The following RGP1 variants were observed in gnomAD, a reference collection of about 807,000 sequenced individuals.
RGP1 encodes RGP1 partner of RAB6A GEF complex, also known as RAB6A-GEF complex partner protein 2.
Under a neutral mutation model 44.5 loss-of-function variants are expected in RGP1, and 28 were observed. The observed-to-expected ratio is 0.63, with a 90% CI of 0.47 to 0.86. The LOEUF (loss-of-function observed/expected upper bound fraction) is 0.86. Ranked by LOEUF, RGP1 falls within the 40% of genes least tolerant of loss-of-function variation. The pLI is 0.00. For synonymous variants in RGP1, 212 were observed against 196.7 expected (o/e 1.08, Z -0.65); for missense variants, 417 against 490.7 (o/e 0.85, Z 1.42).
chr9:35,775,408 G>T, the RGP1 span, among the ~76,000 whole-genome samples: 156 of 152,248 alleles, frequency 1.0e-3, 2 homozygotes, highest in Non-Finnish European at 1.3e-3. Context: ...CCGGAACTTT[G>T]GGGGCCTGTT....
At chr9:35,752,321 C>T (rs1405815673) in intron 8 of RGP1, among the ~76,000 whole-genome samples, 176 bp downstream of exon 8, 2 of 152,188 alleles carry the variant, frequency 1.3e-5, no homozygotes, top group African/African-American at 2.4e-5. Context: ...GATGCACTGA[C>T]CCCTAAACTC....
the RGP1 span, among the ~76,000 whole-genome samples, chr9:35,765,071 C>T: frequency 6.6e-6 from 1 of 151,344 alleles, no homozygotes; most frequent in Admixed American, 6.6e-5. Flanking sequence ...TTGCAATGAG[C>T]CAAGATGGCG....
At position 35,752,647 on chromosome 9, in the gene RGP1, A is replaced by G. The variant is rs760799263; in HGVS notation, c.953-4A>G. Reference sequence around the variant, plus strand: ...GCTTCTACCTTAATCTTTTTCTTCCATAGTGTCCTTGAAGTGGAGATTGCA... The same window carrying G: ...GCTTCTACCTTAATCTTTTTCTTCCGTAGTGTCCTTGAAGTGGAGATTGCA... On this transcript the variant is annotated splice_polypyrimidine_tract_variant and splice_region_variant and intron_variant, in intron 8 of 8. Coordinates refer to ENST00000378078, the MANE Select transcript of RGP1 (RefSeq NM_001080496.3). The G allele has an allele frequency of 1.2e-6, 2 of 1,603,866 alleles. No homozygotes were observed. The highest frequency in any genetic ancestry group is 1.1e-5 in the South Asian group (1 of 89,688).
the RGP1 span, among the ~76,000 whole-genome samples, chr9:35,782,052 T>G: frequency 6.9e-6 from 1 of 145,366 alleles, no homozygotes; most frequent in Non-Finnish European, 1.5e-5. Flanking sequence ...AGTGGTGTGA[T>G]CTCGGCTCAC....
the RGP1 span, among the ~76,000 whole-genome samples, chr9:35,764,431 A>G: frequency 4.3e-4 from 65 of 152,250 alleles, no homozygotes; most frequent in African/African-American, 1.5e-3. Flanking sequence ...CTTAATCTCT[A>G]TAATGATTTG....
At chr9:35,762,147 G>T (rs1242208653), downstream of RGP1, among the ~76,000 whole-genome samples, 1 of 152,144 alleles carries the variant, frequency 6.6e-6, no homozygotes, top group East Asian at 1.9e-4. Context: ...CAAAACAGGA[G>T]CAGGCTGCCT....
At chr9:35,778,057 T>C in the RGP1 span, among the ~76,000 whole-genome samples, 1 of 152,110 alleles carries the variant, frequency 6.6e-6, no homozygotes, top group Non-Finnish European at 1.5e-5. Context: ...CCCAGCGCTT[T>C]GGGAAGCCGA....
rs1827366267 is a variant in RGP1, at chr9:35,757,013, C to T, written c.*4139C>T. ...TGGTGAGGACCAGGCCCGCTGGGTC[C>T]TGGGGGCGCGGTGGCTGGCGCGCAG... On this transcript the variant is annotated 3_prime_UTR_variant, in exon 9 of 9. Coordinates refer to ENST00000378078, the MANE Select transcript of RGP1 (RefSeq NM_001080496.3). The T allele has an allele frequency of 6.6e-6, 1 of 152,466 alleles. No individual in the cohort carries two copies. Among genetic ancestry groups the T allele is most frequent in the African/African-American group, 2.4e-5 (1 of 41,442 alleles). The allele number at this position is 152,466 out of a possible 1,614,324, so 9.4% of individuals were successfully genotyped here.
At chr9:35,751,446 C>T (rs1391274912) in intron 6 of RGP1, 34 bp downstream of exon 6, 41 of 1,612,720 alleles carry the variant, frequency 2.5e-5, no homozygotes, top group Non-Finnish European at 3.4e-5. Context: ...CTACCCCATC[C>T]TTCCCCTCAT....
In RGP1 at chr9:35,757,238, G is replaced by A. The variant is rs1827370917; in HGVS notation, c.*4364G>A. ...CCCCCGCCGCCGGAGGGAGAGGGGA[G>A]CTGCGGGCCAGAGCCCCGGAGGGTC... is the stretch of plus-strand genomic sequence containing the variant. On this transcript the variant is annotated 3_prime_UTR_variant, in exon 9 of 9. Transcript: ENST00000378078. 6.6e-6 allele frequency: 1 copy of A among 152,434 alleles called. No individual in the cohort carries two copies. Among genetic ancestry groups the A allele is most frequent in the Non-Finnish European group, 1.5e-5 (1 of 68,224 alleles). The allele number at this position is 152,434 out of a possible 1,614,324, so 9.4% of individuals were successfully genotyped here.
the RGP1 span, chr9:35,780,297 T>G: frequency 6.6e-6 from 1 of 152,182 alleles, no homozygotes; most frequent in Non-Finnish European, 1.5e-5. Flanking sequence ...AGATGAGTTC[T>G]GCATTGGACC....
At chr9:35,767,793 T>C in the RGP1 span, among the ~76,000 whole-genome samples, 21 of 152,218 alleles carry the variant, frequency 1.4e-4, 1 homozygote, top group Admixed American at 3.9e-4. Flanking sequence ...GGAAAAGAAA[T>C]GTAGACATTA....
rs1827321195 is a variant in RGP1 at position 35,754,064 on chromosome 9, G to A, written c.*1190G>A. ...GCTGGAGGAGTAGAGACATCACCAAGCAGATGATCCCCCAGCCTCCTAGGA... is the reference window on the plus strand; with the variant it reads ...GCTGGAGGAGTAGAGACATCACCAAACAGATGATCCCCCAGCCTCCTAGGA... On this transcript the variant is annotated 3_prime_UTR_variant, in exon 9 of 9. Transcript: ENST00000378078. The A allele has an allele frequency of 6.2e-7, 1 of 1,613,858 alleles. No individual in the cohort carries two copies. The highest frequency in any genetic ancestry group is 8.5e-7 in the Non-Finnish European group (1 of 1,179,850).
At position 35,749,886 on chromosome 9, in the gene RGP1, A is replaced by C. The variant is rs1827204566; in HGVS notation, c.116+15A>C. ...TCTGCATCCAGGTGGGGATGCTGGC[A>C]CTGAAGGTGGTGGCCCTTCTGGGAA... is the stretch of plus-strand genomic sequence containing the variant. On this transcript the variant is annotated intron_variant, in intron 2 of 8. Transcript: ENST00000378078. This position sits in a 1 kb window ranked among gnomAD's most constrained non-coding sequence, Gnocchi z 4.4. The C allele has an allele frequency of 6.4e-7, 1 of 1,574,604 alleles. No homozygotes were observed. The highest frequency in any genetic ancestry group is 8.7e-7 in the Non-Finnish European group (1 of 1,146,064).
chr9:35,751,001 C>A lies in RGP1; in HGVS notation c.487+12C>A, dbSNP rs1254796598. ...TCTTGTGCTGACTGGTAAGCAAGGG[C>A]TCCTGGAGGGAAGGGCTGGGGAAGG... On this transcript the variant is annotated intron_variant, in intron 5 of 8. Transcript: ENST00000378078. 6.2e-7 allele frequency: 1 copy of A among 1,612,942 alleles called. No homozygotes were observed. The highest frequency in any genetic ancestry group is 1.7e-5 in the Admixed American group (1 of 59,996).
chr9:35,759,052 G>C (rs773666279), downstream of RGP1, among the ~76,000 whole-genome samples: 6 of 152,070 alleles, frequency 3.9e-5, no homozygotes, highest in Non-Finnish European at 7.3e-5. Flanking sequence ...AACCTTTCCT[G>C]TGATTAGAAA....
At chr9:35,789,973 C>T in the RGP1 span, among the ~76,000 whole-genome samples, 1 of 152,206 alleles carries the variant, frequency 6.6e-6, no homozygotes, top group Non-Finnish European at 1.5e-5. Context: ...ATATGATCCT[C>T]TTAGCCCTGC....
chr9:35,780,529 A>G, the RGP1 span: 1 of 152,192 alleles, frequency 6.6e-6, no homozygotes, highest in African/African-American at 2.4e-5. Context: ...CCCTGAATCC[A>G]TTGTTCCACC....
At chr9:35,781,342 T>C in the RGP1 span, among the ~76,000 whole-genome samples, 1 of 143,076 alleles carries the variant, frequency 7.0e-6, no homozygotes, top group Non-Finnish European at 1.5e-5. Context: ...TGAACAGCAG[T>C]AGTACTTTTC....
Sources: gnomAD v4.1 joint callset for allele counts (sites outside exome capture counted in the v4.1 genomes callset) on GRCh38, gnomAD v4.1.1 for gene constraint, Gnocchi (gnomAD v3.1) non-coding constraint, MANE v1.5 for transcripts, NCBI Gene and HGNC (gene_info 2026-07-23, HGNC 2026-07-21) for gene names.